The following SUSD4 variants were observed in gnomAD, a reference collection of about 807,000 sequenced individuals.
The protein encoded by SUSD4 is sushi domain containing 4.
Under a neutral mutation model 50.5 loss-of-function variants are expected in SUSD4, and 41 were observed. That is an observed-to-expected ratio of 0.81 (90% CI 0.63 to 1.05). The LOEUF is 1.05. SUSD4 is among the 50% of genes least tolerant of loss of function. The probability of loss-of-function intolerance (pLI) is 0.00; values close to 1 mark genes in which losing one functional copy is unlikely to be tolerated. For missense variants in SUSD4, 580 were observed against 634.7 expected, an observed-to-expected ratio of 0.91 and a Z score of 0.93; for synonymous variants, 257 against 257.3, an observed-to-expected ratio of 1.00 and a Z score of 0.01.
chr1:223,225,031 A>G (rs1659421515), intron 7 of SUSD4, among the ~76,000 whole-genome samples: 1 of 151,064 alleles, frequency 6.6e-6, no homozygotes, highest in Non-Finnish European at 1.5e-5. Flanking sequence ...CACCACCCCC[A>G]GCTAATTTTT....
chr1:223,274,472 A>G (rs1344402639), intron 3 of SUSD4, among the ~76,000 whole-genome samples: 2 of 152,240 alleles, frequency 1.3e-5, no homozygotes, highest in African/African-American at 2.4e-5. Flanking sequence ...AGAACCAGAC[A>G]CTTAAGACCT....
Position 223,268,524 on chromosome 1 carries a change from C to T in SUSD4, c.513G>A (p.Trp171Ter), listed in dbSNP as rs1286287846. Residue 171 changes from tryptophan (W) to a stop codon, truncating the protein, a stop_gained, in exon 4 of 9, where the codon TGG becomes TGA. Coordinates refer to ENST00000366878, the MANE Select transcript of SUSD4 (RefSeq NM_017982.4). LOFTEE classifies it high-confidence loss of function. ...MVSLCRDDGT[W>*]NNLPICQGCL... ...TACCTTGACAGATGGGCAGATTATT[C>T]CACGTTCCATCATCGCGACATAATG... is the stretch of plus-strand genomic sequence containing the variant. 6.2e-7 allele frequency: 1 copy of T among 1,613,588 alleles called. No homozygotes were observed. The highest frequency in any genetic ancestry group is 8.5e-7 in the Non-Finnish European group (1 of 1,179,814).
intron 5 of SUSD4, among the ~76,000 whole-genome samples, chr1:223,237,667 G>A (rs553690295): frequency 6.6e-6 from 1 of 152,050 alleles, no homozygotes; most frequent in African/African-American, 2.4e-5. Context: ...TTTAAATGCT[G>A]AACCAGCCTG....
chr1:223,258,743 T>G (rs1488269852), intron 5 of SUSD4, among the ~76,000 whole-genome samples: 1 of 152,096 alleles, frequency 6.6e-6, no homozygotes, highest in Non-Finnish European at 1.5e-5. Context: ...CAGTGATGTA[T>G]TCCCCTGTTT....
chr1:223,287,604 G>A (rs1489208342), intron 3 of SUSD4, among the ~76,000 whole-genome samples: 1 of 152,190 alleles, frequency 6.6e-6, no homozygotes, highest in Non-Finnish European at 1.5e-5. Flanking sequence ...GCCCTGCACA[G>A]TGGTTTTAAG....
chr1:223,303,165 A>C (rs1665299648), intron 2 of SUSD4, among the ~76,000 whole-genome samples: 1 of 152,114 alleles, frequency 6.6e-6, no homozygotes, highest in South Asian at 2.1e-4. Context: ...AAACACCCCC[A>C]AAATCATTGA....
chr1:223,280,398 C>T (rs945552418), intron 3 of SUSD4, among the ~76,000 whole-genome samples: 1 of 125,854 alleles, frequency 7.9e-6, no homozygotes, highest in African/African-American at 3.9e-5. Flanking sequence ...GAAGATCTAC[C>T]AAGCGAATGG....
At chr1:223,281,723 C>A (rs1339960459) in intron 3 of SUSD4, among the ~76,000 whole-genome samples, 1 of 152,172 alleles carries the variant, frequency 6.6e-6, no homozygotes, top group African/African-American at 2.4e-5. Flanking sequence ...AGGGAATCCT[C>A]CCTAACTCAT....
intron 2 of SUSD4, among the ~76,000 whole-genome samples, chr1:223,303,130 G>A (rs549410186): frequency 1.3e-5 from 2 of 152,034 alleles, no homozygotes; most frequent in Admixed American, 1.3e-4. Flanking sequence ...CCAAGCCTGG[G>A]CAACAGAGCA....
intron 6 of SUSD4, among the ~76,000 whole-genome samples, chr1:223,228,273 CTT>C (rs1659662417): frequency 6.6e-6 from 1 of 152,204 alleles, no homozygotes; most frequent in African/African-American, 2.4e-5. Flanking sequence ...CCAGAAGAGA[CTT>C]ATCCTTTGGG....
chr1:223,327,705 C>T (rs2103263078), intron 2 of SUSD4, among the ~76,000 whole-genome samples: 1 of 152,304 alleles, frequency 6.6e-6, no homozygotes, highest in East Asian at 1.9e-4. Context: ...AGACACAATT[C>T]CAGGTCAGGG....
intron 3 of SUSD4, among the ~76,000 whole-genome samples, chr1:223,278,333 G>A (rs1160472285): frequency 6.6e-6 from 1 of 152,132 alleles, no homozygotes; most frequent in African/African-American, 2.4e-5. Context: ...AGGGGTGACA[G>A]ATGGCACCTG....
chr1:223,248,903 C>T (rs143863927), intron 5 of SUSD4, among the ~76,000 whole-genome samples: 13 of 152,254 alleles, frequency 8.5e-5, no homozygotes, highest in South Asian at 2.1e-4. Context: ...GTTTCGAAGC[C>T]ACAAGGAAGC....
intron 5 of SUSD4, among the ~76,000 whole-genome samples, chr1:223,252,853 G>A (rs1661428693): frequency 6.6e-6 from 1 of 152,010 alleles, no homozygotes; most frequent in Non-Finnish European, 1.5e-5. Flanking sequence ...TGTAATTCCA[G>A]CACTTTGGGA....
At chr1:223,304,531 G>A (rs1665397137) in intron 2 of SUSD4, among the ~76,000 whole-genome samples, 2 of 151,696 alleles carry the variant, frequency 1.3e-5, no homozygotes, top group South Asian at 4.2e-4. Flanking sequence ...GTTTTGTGTG[G>A]TTTTACTAGT....
At chr1:223,263,733 C>T (rs1321618364) in intron 5 of SUSD4, 6 of 985,322 alleles carry the variant, frequency 6.1e-6, no homozygotes, top group Non-Finnish European at 7.2e-6. Flanking sequence ...ACGTCCTACC[C>T]TGACTTCCTC....
rs988556907 is a variant in SUSD4 at position 223,256,040 on chromosome 1, C to T, written c.724+8590G>A. ...ATTGTACATCCCTGGTTGGCACCAGCGCCTTGCCTGGGAAGGAGGGAGGAA... is the reference window on the plus strand; with the variant it reads ...ATTGTACATCCCTGGTTGGCACCAGTGCCTTGCCTGGGAAGGAGGGAGGAA... On this transcript the variant is annotated intron_variant, in intron 5 of 8. Transcript: ENST00000366878. Among the ~76,000 whole-genome samples, 7 of 152,310 alleles carry T rather than the reference C, an allele frequency of 4.6e-5. No individual in the cohort carries two copies. In the South Asian group the frequency reaches 6.2e-4, roughly 14 times the overall value.
At chr1:223,350,288 C>A (rs1668284843) in intron 2 of SUSD4, among the ~76,000 whole-genome samples, 1 of 152,206 alleles carries the variant, frequency 6.6e-6, no homozygotes, top group Non-Finnish European at 1.5e-5. Context: ...AGTCTTAGCA[C>A]CTAAGGCAGC....
At chr1:223,358,319 T>C (rs1668781626) in intron 2 of SUSD4, among the ~76,000 whole-genome samples, 1 of 152,298 alleles carries the variant, frequency 6.6e-6, no homozygotes, top group South Asian at 2.1e-4. Context: ...ATCCATCAAA[T>C]TCCTGTAATC....
Sources: allele counts gnomAD v4.1 joint callset (sites outside exome capture counted in the v4.1 genomes callset), GRCh38; gene constraint gnomAD v4.1.1; transcripts MANE v1.5; gene names NCBI Gene and HGNC (gene_info 2026-07-23, HGNC 2026-07-21).